Variants in ANK2 observed in about 807,000 individuals in gnomAD.
ANK2 encodes ankyrin-2.
In ANK2, 83 loss-of-function variants were observed where a neutral mutation model predicts 360.5. That is an observed-to-expected ratio of 0.23 (90% CI 0.19 to 0.28). The LOEUF is 0.28. Ranked by LOEUF, ANK2 falls within the 10% of genes least tolerant of loss-of-function variation. ANK2 has a pLI of 1.00. For synonymous variants in ANK2, 1,740 were observed against 1,759.5 expected (o/e 0.99, Z 0.28); for missense variants, 4,201 against 4,795.7 (o/e 0.88, Z 3.66).
intron 2 of ANK2, among the ~76,000 whole-genome samples, chr4:113,005,386 T>C (rs2052458532): frequency 6.6e-6 from 1 of 152,174 alleles, no homozygotes; most frequent in African/African-American, 2.4e-5. Context: ...ATATATATAA[T>C]CAATAGAATA....
intron 2 of ANK2, among the ~76,000 whole-genome samples, chr4:113,194,670 G>A (rs911430092): frequency 2.0e-5 from 3 of 152,010 alleles, no homozygotes; most frequent in South Asian, 2.1e-4. Flanking sequence ...TATAGAAATA[G>A]CATTATTCTG....
chr4:113,377,821 G>A (rs1173717932), intron 45 of ANK2, among the ~76,000 whole-genome samples: 2 of 152,142 alleles, frequency 1.3e-5, no homozygotes, highest in Non-Finnish European at 2.9e-5. Flanking sequence ...AAGCAGTTGG[G>A]TGAAGCAAGG....
intron 2 of ANK2, among the ~76,000 whole-genome samples, chr4:112,972,145 A>T (rs1319950109): frequency 6.6e-6 from 1 of 152,198 alleles, no homozygotes; most frequent in African/African-American, 2.4e-5. Context: ...AGTGTCCAAT[A>T]GACTGTAGAT....
At chr4:113,244,763 T>C (rs559463525) in intron 9 of ANK2, among the ~76,000 whole-genome samples, 6 of 152,234 alleles carry the variant, frequency 3.9e-5, no homozygotes, top group African/African-American at 1.4e-4. Context: ...GCTATCCCTC[T>C]CCTACACCCG....
At chr4:113,176,684 G>T (rs1369152725) in intron 2 of ANK2, among the ~76,000 whole-genome samples, 1 of 151,446 alleles carries the variant, frequency 6.6e-6, no homozygotes, top group Non-Finnish European at 1.5e-5. Flanking sequence ...CAACATGCAG[G>T]TTTGTTACAT....
the ANK2 span, among the ~76,000 whole-genome samples, chr4:112,795,723 C>T: frequency 4.2e-4 from 63 of 151,684 alleles, 1 homozygote; most frequent in Admixed American, 3.7e-3. Flanking sequence ...AGGCTGGTCT[C>T]AAGCTCCTGA....
chr4:113,378,187 G>C (rs905752460), intron 45 of ANK2: 33 of 1,232,822 alleles, frequency 2.7e-5, no homozygotes, highest in Non-Finnish European at 3.5e-5. Flanking sequence ...AAAAGGTTTG[G>C]GTTAGCATGG....
At chr4:112,792,041 T>C in the ANK2 span, among the ~76,000 whole-genome samples, 1 of 141,586 alleles carries the variant, frequency 7.1e-6, no homozygotes, top group East Asian at 2.1e-4. Flanking sequence ...TTCTTTTTTT[T>C]TTTTTTTTTT....
At chr4:113,073,749 T>G (rs2078733535) in intron 1 of ANK2, among the ~76,000 whole-genome samples, 2 of 152,188 alleles carry the variant, frequency 1.3e-5, no homozygotes, top group Admixed American at 1.3e-4. Context: ...TTGACTCTCC[T>G]GCTGATCATC....
the ANK2 span, among the ~76,000 whole-genome samples, chr4:112,796,530 A>G: frequency 1.3e-5 from 2 of 151,832 alleles, no homozygotes; most frequent in African/African-American, 4.8e-5. Flanking sequence ...TTTTAACTTA[A>G]ATAGAGACGG....
chr4:113,063,414 G>A (rs1202228668), intron 1 of ANK2, among the ~76,000 whole-genome samples: 1 of 152,070 alleles, frequency 6.6e-6, no homozygotes, highest in Non-Finnish European at 1.5e-5. Context: ...TCTGTGTCTA[G>A]TCAAGGTTTG....
chr4:112,959,339 A>G (rs996093054), intron 2 of ANK2, among the ~76,000 whole-genome samples: 1 of 152,188 alleles, frequency 6.6e-6, no homozygotes, highest in African/African-American at 2.4e-5. Flanking sequence ...TGAAAACAAG[A>G]ACAAAAACAA....
the ANK2 span, among the ~76,000 whole-genome samples, chr4:112,737,481 A>G: frequency 1.3e-5 from 2 of 152,216 alleles, no homozygotes; most frequent in African/African-American, 4.8e-5. Flanking sequence ...AGGGCTTTAA[A>G]ACAGTAGCTA....
intron 1 of ANK2, among the ~76,000 whole-genome samples, chr4:113,095,695 A>G (rs2090727924): frequency 6.6e-6 from 1 of 152,214 alleles, no homozygotes; most frequent in African/African-American, 2.4e-5. Context: ...TATAATAATA[A>G]TTCTTTTATA....
chr4:113,063,691 A>G (rs903513872), intron 1 of ANK2, among the ~76,000 whole-genome samples: 2 of 152,188 alleles, frequency 1.3e-5, no homozygotes, highest in Non-Finnish European at 2.9e-5. Context: ...AAAGAGCTGA[A>G]TTATGAAAAA....
chr4:112,952,176 A>AT (rs1264100617), intron 2 of ANK2, among the ~76,000 whole-genome samples: 2 of 152,240 alleles, frequency 1.3e-5, no homozygotes, highest in African/African-American at 4.8e-5. Flanking sequence ...TTGGGGACAG[A>AT]TGCACAGTAG....
In ANK2 at chr4:112,957,493, C is replaced by T. The variant is rs542332636; in HGVS notation, c.21+52979C>T. On this transcript the variant is annotated intron_variant, in intron 2 of 30. Transcript: ENST00000503271. ...CCCCCTTTCTATTCCACAAAACCAC[C>T]ATTGTCATCATGGCCCGTTCTCAAT... Among the ~76,000 whole-genome samples, 495 of 152,346 alleles carry T rather than the reference C, an allele frequency of 3.2e-3. 1 individual carries two copies. The highest frequency in any genetic ancestry group is 0.011 in the African/African-American group (457 of 41,580).
At chr4:112,727,788 G>T in the ANK2 span, among the ~76,000 whole-genome samples, 2 of 152,270 alleles carry the variant, frequency 1.3e-5, no homozygotes, top group East Asian at 3.9e-4. Flanking sequence ...AGATCAGCCT[G>T]ACCAACATGG....
intron 3 of ANK2, among the ~76,000 whole-genome samples, chr4:113,197,340 TA>T (rs1394324950): frequency 6.6e-6 from 1 of 152,212 alleles, no homozygotes; most frequent in African/African-American, 2.4e-5. Flanking sequence ...CTGCTTTTGC[TA>T]AAACATATTT....
Sources: gnomAD v4.1 joint callset for allele counts (sites outside exome capture counted in the v4.1 genomes callset) on GRCh38, gnomAD v4.1.1 for gene constraint, MANE v1.5 for transcripts, NCBI Gene and HGNC (gene_info 2026-07-23, HGNC 2026-07-21) for gene names.